The following NFIL3 variants were observed in gnomAD, a reference collection of about 807,000 sequenced individuals.
NFIL3 encodes the protein nuclear factor interleukin-3-regulated protein.
A neutral mutation model predicts 10.0 loss-of-function variants in NFIL3; 5 were observed. That is an observed-to-expected ratio of 0.50 (90% confidence interval 0.26 to 1.06). The LOEUF (loss-of-function observed/expected upper bound fraction) is 1.06, where lower values mean the gene tolerates loss of function less well. Among genes scored for constraint, NFIL3 ranks in the 50% least tolerant of loss-of-function variants. The pLI is 0.13. For missense variants in NFIL3, 436 were observed against 547.6 expected (o/e 0.80, Z 2.03); for synonymous variants, 202 against 206.5 (o/e 0.98, Z 0.19).
At chr9:91,434,232 C>T in the NFIL3 span, among the ~76,000 whole-genome samples, 4 of 152,184 alleles carry the variant, frequency 2.6e-5, no homozygotes, top group African/African-American at 9.7e-5. Flanking sequence ...CTGCACAACA[C>T]AGGCTCTCAT....
chr9:91,421,705 G>C (rs1293413591), intron 1 of NFIL3, among the ~76,000 whole-genome samples: 1 of 152,180 alleles, frequency 6.6e-6, no homozygotes, highest in Non-Finnish European at 1.5e-5. Flanking sequence ...AGCTCGCAAA[G>C]TAGGTCGGGG....
chr9:91,464,338 G>C, the NFIL3 span, among the ~76,000 whole-genome samples: 3 of 151,754 alleles, frequency 2.0e-5, no homozygotes, highest in Non-Finnish European at 4.4e-5. Context: ...GGTTGTCCTA[G>C]AGTTAACACA....
the NFIL3 span, among the ~76,000 whole-genome samples, chr9:91,452,937 G>C: frequency 3.9e-5 from 6 of 152,040 alleles, no homozygotes; most frequent in Non-Finnish European, 5.9e-5. Flanking sequence ...AGACTTTTGG[G>C]TTCACGGCTG....
the NFIL3 span, among the ~76,000 whole-genome samples, chr9:91,456,041 T>C: frequency 6.6e-6 from 1 of 152,198 alleles, no homozygotes; most frequent in Non-Finnish European, 1.5e-5. Context: ...CACACAACTT[T>C]CCTACTTGTT....
the NFIL3 span, among the ~76,000 whole-genome samples, chr9:91,460,492 G>A: frequency 6.6e-6 from 1 of 151,822 alleles, no homozygotes; most frequent in Admixed American, 6.6e-5. Flanking sequence ...GGCCAGGCTG[G>A]TCTTGAACTC....
chr9:91,472,235 A>C, the NFIL3 span, among the ~76,000 whole-genome samples: 1 of 152,126 alleles, frequency 6.6e-6, no homozygotes, highest in African/African-American at 2.4e-5. Context: ...TATTTCTTGA[A>C]TTTGAATGTT....
chr9:91,429,743 A>T, the NFIL3 span, among the ~76,000 whole-genome samples: 61 of 152,088 alleles, frequency 4.0e-4, no homozygotes, highest in Non-Finnish European at 1.5e-4. Flanking sequence ...CAGGCGGTGC[A>T]TGTAGGTCTG....
In NFIL3 at chr9:91,410,474, G is replaced by C. The variant is rs769356105; in HGVS notation, c.261C>G (p.Ala87=). The stretch of plus-strand genomic sequence containing the variant: ...GTCGACGCTTCTCACGAGATCTTTT[G>C]GCAGCTTCATTATTTTTCCGCCTTT... ...WEKRRKNNEA[A]KRSREKRRLN... is the part of the protein sequence containing the mutation. The change falls in exon 2 of 2, where the codon GCC becomes GCG. Residue 87 remains alanine (A), a synonymous_variant. Transcript: ENST00000297689. The surrounding 1 kb of genome is among the most constrained non-coding windows in gnomAD (Gnocchi z 5.7). 6.0e-5 allele frequency: 97 copies of C among 1,613,962 alleles called. 1 individual carries two copies. In the Admixed American group the frequency reaches 1.6e-3, roughly 27 times the overall value.
the NFIL3 span, among the ~76,000 whole-genome samples, chr9:91,457,595 T>C: frequency 6.6e-6 from 1 of 152,008 alleles, no homozygotes. Context: ...GCACATTTCA[T>C]TGGATTTTCT....
the NFIL3 span, among the ~76,000 whole-genome samples, chr9:91,470,472 C>T: frequency 2.7e-5 from 4 of 150,548 alleles, no homozygotes; most frequent in Admixed American, 2.7e-4. Flanking sequence ...AAAAAACCAG[C>T]TCCTGGATTC....
chr9:91,452,789 A>G, the NFIL3 span, among the ~76,000 whole-genome samples: 1 of 145,788 alleles, frequency 6.9e-6, no homozygotes. Context: ...CTCTGTCTCA[A>G]AAAAAAAAAA....
At chr9:91,449,833 G>C in the NFIL3 span, among the ~76,000 whole-genome samples, 1 of 151,984 alleles carries the variant, frequency 6.6e-6, no homozygotes, top group East Asian at 1.9e-4. Flanking sequence ...TCTGGTCCTG[G>C]ATTTTTCTTT....
At chr9:91,424,177 C>G (rs1032389459), upstream of NFIL3, among the ~76,000 whole-genome samples, 11 of 152,014 alleles carry the variant, frequency 7.2e-5, no homozygotes, top group Non-Finnish European at 1.2e-4. Flanking sequence ...GCCCGGGAGC[C>G]CCCCGTCCCA....
the NFIL3 span, among the ~76,000 whole-genome samples, chr9:91,466,919 T>C: frequency 6.6e-6 from 1 of 152,206 alleles, no homozygotes; most frequent in Non-Finnish European, 1.5e-5. Context: ...CATACTTAAA[T>C]TAGCAGACTT....
At chr9:91,441,634 GATTCT>G in the NFIL3 span, among the ~76,000 whole-genome samples, 1 of 151,952 alleles carries the variant, frequency 6.6e-6, no homozygotes, top group Non-Finnish European at 1.5e-5. Context: ...GCTAAGCTTT[GATTCT>G]TTCTCTTTAT....
chr9:91,454,612 G>C, the NFIL3 span, among the ~76,000 whole-genome samples: 2 of 152,028 alleles, frequency 1.3e-5, no homozygotes, highest in African/African-American at 4.8e-5. Context: ...CAGGTGGATT[G>C]CCTGAGGTCA....
the NFIL3 span, among the ~76,000 whole-genome samples, chr9:91,451,965 G>A: frequency 6.6e-6 from 1 of 152,132 alleles, no homozygotes; most frequent in African/African-American, 2.4e-5. Flanking sequence ...AGTTCAAGAA[G>A]TATTTTTTAG....
the NFIL3 span, among the ~76,000 whole-genome samples, chr9:91,471,215 G>T: frequency 6.6e-6 from 1 of 152,138 alleles, no homozygotes; most frequent in African/African-American, 2.4e-5. Context: ...TGTGTTGGGT[G>T]CATATATATT....
At chr9:91,463,014 A>C in the NFIL3 span, among the ~76,000 whole-genome samples, 1 of 151,866 alleles carries the variant, frequency 6.6e-6, no homozygotes, top group African/African-American at 2.4e-5. Context: ...TATCCTTTTA[A>C]TATCTATAGA....
Sources: allele counts gnomAD v4.1 joint callset (sites outside exome capture counted in the v4.1 genomes callset), GRCh38; gene constraint gnomAD v4.1.1; non-coding constraint Gnocchi (gnomAD v3.1); transcripts MANE v1.5; gene names NCBI Gene and HGNC (gene_info 2026-07-23, HGNC 2026-07-21).